CNTN5: variants seen among roughly 807,000 people sequenced by gnomAD.
CNTN5 encodes the protein contactin-5.
In CNTN5, 77 loss-of-function variants were observed where a neutral mutation model predicts 129.1. That is an observed-to-expected ratio of 0.60 (90% CI 0.50 to 0.72). CNTN5 has a LOEUF of 0.72. Ranked by LOEUF, CNTN5 falls within the 30% of genes least tolerant of loss-of-function variation. The pLI is 0.00. For missense variants in CNTN5, 1,478 were observed against 1,328.8 expected (o/e 1.11, Z -1.75); for synonymous variants, 509 against 465.6 (o/e 1.09, Z -1.20).
chr11:99,049,735 C>T (rs1010920799), intron 1 of CNTN5: 17 of 152,056 alleles, frequency 1.1e-4, no homozygotes, highest in South Asian at 8.3e-4. Context: ...AGATGTGTAA[C>T]CCGTAGCTAC....
intron 13 of CNTN5, among the ~76,000 whole-genome samples, chr11:100,101,960 C>A (rs1945239131): frequency 1.3e-5 from 2 of 152,048 alleles, no homozygotes; most frequent in Admixed American, 6.6e-5. Flanking sequence ...ACCATATTTT[C>A]TTTGTCCACT....
intron 3 of CNTN5, among the ~76,000 whole-genome samples, chr11:99,737,076 CTTTT>C (rs954460840): frequency 2.6e-5 from 4 of 152,032 alleles, no homozygotes; most frequent in Admixed American, 1.3e-4. Flanking sequence ...GTTTTGCCCT[CTTTT>C]TTTACTTTTG....
At chr11:99,834,935 C>G (rs963368289) in intron 4 of CNTN5, among the ~76,000 whole-genome samples, 1 of 152,206 alleles carries the variant, frequency 6.6e-6, no homozygotes, top group African/African-American at 2.4e-5. Flanking sequence ...ACCTTGTTTT[C>G]CTAATGTAAA....
intron 3 of CNTN5, among the ~76,000 whole-genome samples, chr11:99,645,627 G>A (rs1951931037): frequency 6.6e-6 from 1 of 152,100 alleles, no homozygotes; most frequent in Admixed American, 6.6e-5. Context: ...CATAAAAAAG[G>A]ATGAGTTCAT....
chr11:99,194,854 C>G (rs565446047), intron 1 of CNTN5, among the ~76,000 whole-genome samples: 164 of 152,276 alleles, frequency 1.1e-3, no homozygotes, highest in African/African-American at 3.8e-3. Flanking sequence ...ATCCACCCGC[C>G]TTGTCCTCCT....
intron 13 of CNTN5, among the ~76,000 whole-genome samples, chr11:100,153,527 T>C (rs554140354): frequency 6.6e-6 from 1 of 152,252 alleles, no homozygotes; most frequent in East Asian, 1.9e-4. Flanking sequence ...GTACTTCGTA[T>C]TCTTGTTAAA....
Position 100,294,132 on chromosome 11 carries a change from A to AT in CNTN5, c.2315-3487dup, listed in dbSNP as rs138997190. ...TGTCCCAGGTCTCGAAAAGAGCTGT[A>AT]TTTTTTAATGAGTGGGGTAAGCGCT... On this transcript the variant is annotated intron_variant, in intron 18 of 24. Transcript: ENST00000524871. Among the ~76,000 whole-genome samples, 815 of 151,676 alleles carry AT rather than the reference A, an allele frequency of 5.4e-3. 10 individuals are homozygous for AT. Among genetic ancestry groups the AT allele is most frequent in the African/African-American group, 0.018 (766 of 41,428 alleles).
chr11:99,618,488 A>G (rs1187861533), intron 3 of CNTN5, among the ~76,000 whole-genome samples: 1 of 152,238 alleles, frequency 6.6e-6, no homozygotes, highest in Non-Finnish European at 1.5e-5. Flanking sequence ...ACGTGAAAGC[A>G]GATAACCAAA....
At chr11:99,726,709 A>G (rs2135064729) in intron 3 of CNTN5, among the ~76,000 whole-genome samples, 1 of 152,362 alleles carries the variant, frequency 6.6e-6, no homozygotes, top group African/African-American at 2.4e-5. Context: ...TGATACGAGC[A>G]GCAAGTAGTG....
intron 1 of CNTN5, among the ~76,000 whole-genome samples, chr11:99,198,390 TA>T (rs1859010900): frequency 6.6e-6 from 1 of 152,102 alleles, no homozygotes; most frequent in African/African-American, 2.4e-5. Context: ...ACTGTGACCC[TA>T]AGAGTACAAT....
chr11:99,736,528 G>A (rs1196770208), intron 3 of CNTN5, among the ~76,000 whole-genome samples: 2 of 152,182 alleles, frequency 1.3e-5, no homozygotes, highest in African/African-American at 4.8e-5. Flanking sequence ...AGCTGTGTTA[G>A]ACGATTGTAT....
chr11:99,625,481 G>T (rs1408011224), intron 3 of CNTN5, among the ~76,000 whole-genome samples: 1 of 152,108 alleles, frequency 6.6e-6, no homozygotes, highest in Non-Finnish European at 1.5e-5. Flanking sequence ...ATTTTTAAAT[G>T]TATATTCTGT....
chr11:100,005,919 A>T (rs7113025), intron 9 of CNTN5, among the ~76,000 whole-genome samples: 6 of 151,826 alleles, frequency 4.0e-5, no homozygotes, highest in Non-Finnish European at 7.4e-5. Context: ...ATAAATCACT[A>T]TTTTTTATCA....
At chr11:99,404,154 G>T (rs1208355286) in intron 2 of CNTN5, among the ~76,000 whole-genome samples, 1 of 151,728 alleles carries the variant, frequency 6.6e-6, no homozygotes, top group Non-Finnish European at 1.5e-5. Flanking sequence ...AATCTATTTT[G>T]TGTTGCATTA....
At chr11:99,114,215 A>C (rs201896663) in intron 1 of CNTN5, among the ~76,000 whole-genome samples, 70,853 of 151,430 alleles carry the variant, frequency 0.47, 16,709 homozygotes, top group East Asian at 0.61. Context: ...TGCAGTACTG[A>C]TTTATTTTAA....
intron 3 of CNTN5, among the ~76,000 whole-genome samples, chr11:99,813,281 C>G (rs1450143945): frequency 6.6e-6 from 1 of 152,142 alleles, no homozygotes; most frequent in African/African-American, 2.4e-5. Context: ...TTCTATTTCA[C>G]TGAGCCTCTG....
intron 1 of CNTN5, among the ~76,000 whole-genome samples, chr11:99,288,753 C>T (rs1482712730): frequency 6.6e-6 from 1 of 151,862 alleles, no homozygotes; most frequent in East Asian, 1.9e-4. Flanking sequence ...AAACAAATTT[C>T]ATTACAGCAC....
At chr11:99,516,763 A>G (rs1947069086) in intron 2 of CNTN5, among the ~76,000 whole-genome samples, 1 of 152,146 alleles carries the variant, frequency 6.6e-6, no homozygotes, top group African/African-American at 2.4e-5. Context: ...TGTTAATGAA[A>G]TTCACTATCA....
chr11:99,978,121 CTTTATT>C (rs1302623897), intron 8 of CNTN5, among the ~76,000 whole-genome samples: 1 of 151,824 alleles, frequency 6.6e-6, no homozygotes, highest in Non-Finnish European at 1.5e-5. Context: ...TGTGTTGTGT[CTTTATT>C]TTTAACAAAA....
Sources: gnomAD v4.1 joint callset for allele counts (sites outside exome capture counted in the v4.1 genomes callset) on GRCh38, gnomAD v4.1.1 for gene constraint, MANE v1.5 for transcripts, NCBI Gene and HGNC (gene_info 2026-07-23, HGNC 2026-07-21) for gene names.